The following RTL4 variants were observed in gnomAD, a reference collection of about 807,000 sequenced individuals.
The protein encoded by RTL4 is retrotransposon Gag-like protein 4.
A neutral mutation model predicts 5.3 loss-of-function variants in RTL4; 4 were observed. That is an observed-to-expected ratio of 0.75 (90% confidence interval 0.37 to 1.72). The LOEUF is 1.72. RTL4 is among the 40% of genes most tolerant of loss of function. The pLI, the probability that RTL4 is intolerant of heterozygous loss-of-function variation, is 0.04. For missense variants in RTL4, 260 were observed against 227.1 expected (o/e 1.14, Z -0.93); for synonymous variants, 98 against 87.3 (o/e 1.12, Z -0.68).
the RTL4 span, among the ~76,000 whole-genome samples, chrX:112,212,305 A>G: frequency 1.8e-5 from 2 of 111,644 alleles, no homozygotes; most frequent in African/African-American, 6.5e-5. Flanking sequence ...TGAACCCAGG[A>G]GGCGGAGCTT....
chrX:112,321,943 A>C, the RTL4 span, among the ~76,000 whole-genome samples: 1 of 112,179 alleles, frequency 8.9e-6, no homozygotes, highest in Non-Finnish European at 1.9e-5. Flanking sequence ...ATAAATAAAT[A>C]AAATCTTCTT....
chrX:112,142,714 G>A, the RTL4 span, among the ~76,000 whole-genome samples: 1 of 112,477 alleles, frequency 8.9e-6, no homozygotes, highest in East Asian at 2.8e-4. Context: ...TAATAGGGGT[G>A]TGTGTAACTA....
the RTL4 span, among the ~76,000 whole-genome samples, chrX:112,287,228 G>T: frequency 0.23 from 25,475 of 110,631 alleles, 2,420 homozygotes; most frequent in Admixed American, 0.33. Context: ...GATATAAAGA[G>T]AGGTCATTAT....
chrX:112,373,980 G>A, the RTL4 span, among the ~76,000 whole-genome samples: 1 of 110,960 alleles, frequency 9.0e-6, no homozygotes, highest in Non-Finnish European at 1.9e-5. Flanking sequence ...TTATTGATGA[G>A]TAGTTTAATG....
the RTL4 span, among the ~76,000 whole-genome samples, chrX:112,186,102 C>T: frequency 1.8e-5 from 2 of 111,524 alleles, no homozygotes; most frequent in Non-Finnish European, 3.8e-5. Flanking sequence ...CCCTTCAGCA[C>T]TCCTTCTTCA....
the RTL4 span, among the ~76,000 whole-genome samples, chrX:112,300,825 G>T: frequency 8.9e-6 from 1 of 112,076 alleles, no homozygotes; most frequent in Admixed American, 9.5e-5. Context: ...GAACTAGGCA[G>T]TCAGAACTAG....
At chrX:112,304,639 CTTTTTTTTTTTTTT>C in the RTL4 span, among the ~76,000 whole-genome samples, 20 of 48,371 alleles carry the variant, frequency 4.1e-4, no homozygotes, top group African/African-American at 6.5e-4. Flanking sequence ...TTTCCCACAT[CTTTTTTTTTTTTTT>C]TTTTTTTTTT....
the RTL4 span, among the ~76,000 whole-genome samples, chrX:112,330,683 G>C: frequency 9.0e-6 from 1 of 111,236 alleles, no homozygotes; most frequent in East Asian, 2.8e-4. Context: ...AACCAAAAAA[G>C]AGCCCGCATC....
At chrX:112,279,637 C>T in the RTL4 span, among the ~76,000 whole-genome samples, 1 of 110,884 alleles carries the variant, frequency 9.0e-6, no homozygotes, top group African/African-American at 3.3e-5. Flanking sequence ...GAAACAGGAT[C>T]TGAAACATAG....
the RTL4 span, among the ~76,000 whole-genome samples, chrX:112,314,657 G>A: frequency 9.2e-6 from 1 of 109,154 alleles, no homozygotes; most frequent in African/African-American, 3.3e-5. Flanking sequence ...ATTTAACATT[G>A]ATGTCACATC....
At chrX:112,132,308 C>T in the RTL4 span, among the ~76,000 whole-genome samples, 1 of 111,296 alleles carries the variant, frequency 9.0e-6, no homozygotes, top group African/African-American at 3.3e-5. Flanking sequence ...AGCAGGCAGG[C>T]AGGCAGAAAA....
the RTL4 span, among the ~76,000 whole-genome samples, chrX:112,438,420 G>A: frequency 8.9e-6 from 1 of 112,229 alleles, no homozygotes; most frequent in African/African-American, 3.2e-5. Flanking sequence ...TCCCACCACT[G>A]CTCTCCTCTG....
At chrX:112,375,075 A>G in the RTL4 span, among the ~76,000 whole-genome samples, 4 of 111,788 alleles carry the variant, frequency 3.6e-5, no homozygotes, top group African/African-American at 1.3e-4. Flanking sequence ...AAGCCAGGCC[A>G]GGTGTGAGGG....
chrX:112,341,329 T>A, the RTL4 span, among the ~76,000 whole-genome samples: 1 of 111,926 alleles, frequency 8.9e-6, no homozygotes, highest in South Asian at 3.7e-4. Context: ...TCCCCTAAGA[T>A]GTTAGAGCAC....
the RTL4 span, among the ~76,000 whole-genome samples, chrX:112,404,487 G>A: frequency 2.2e-4 from 24 of 111,273 alleles, no homozygotes; most frequent in African/African-American, 7.5e-4. Context: ...TTCTCTTTGC[G>A]TCCCCTTCTT....
the RTL4 span, among the ~76,000 whole-genome samples, chrX:112,109,114 A>G: frequency 1.8e-5 from 2 of 111,980 alleles, no homozygotes; most frequent in Admixed American, 1.9e-4. Flanking sequence ...TTGCTGTGCT[A>G]CATCCAGGTG....
At chrX:112,161,832 C>CTTTCTTTCTTTCTTTCTTTCTTT in the RTL4 span, among the ~76,000 whole-genome samples, 2 of 26,653 alleles carry the variant, frequency 7.5e-5, no homozygotes, top group Admixed American at 4.1e-4. Flanking sequence ...TTCCTTCCTT[C>CTTTCTTTCTTTCTTTCTTTCTTT]CTTCCTTCCT....
the RTL4 span, among the ~76,000 whole-genome samples, chrX:112,431,284 C>A: frequency 9.0e-6 from 1 of 111,141 alleles, no homozygotes; most frequent in Non-Finnish European, 1.9e-5. Context: ...TAAAGGCAGG[C>A]ATTGTTAAGA....
the RTL4 span, among the ~76,000 whole-genome samples, chrX:112,396,357 T>C: frequency 1.8e-5 from 2 of 111,775 alleles, no homozygotes; most frequent in East Asian, 5.6e-4. Context: ...CTCTCTTTCC[T>C]ACCCTCATCA....
Sources: allele counts gnomAD v4.1 joint callset (sites outside exome capture counted in the v4.1 genomes callset), GRCh38; gene constraint gnomAD v4.1.1; transcripts MANE v1.5; gene names NCBI Gene and HGNC (gene_info 2026-07-23, HGNC 2026-07-21).